The following CTNNA2 variants were observed in gnomAD, a reference collection of about 807,000 sequenced individuals.
CTNNA2 encodes catenin alpha 2.
CTNNA2 carries 42 observed loss-of-function variants against 101.0 expected under a neutral mutation model. That is an observed-to-expected ratio of 0.42 (90% CI 0.32 to 0.54). The LOEUF (loss-of-function observed/expected upper bound fraction) is 0.54. Ranked by LOEUF, CTNNA2 falls within the 20% of genes least tolerant of loss-of-function variation. CTNNA2 has a pLI of 0.14. For missense variants in CTNNA2, 871 were observed against 1,223.1 expected, an observed-to-expected ratio of 0.71 and a Z score of 4.29; for synonymous variants, 450 against 456.4, an observed-to-expected ratio of 0.99 and a Z score of 0.18.
chr2:79,378,262 G>A (rs1221095238), intron 4 of CTNNA2, among the ~76,000 whole-genome samples: 2 of 152,158 alleles, frequency 1.3e-5, no homozygotes, highest in Non-Finnish European at 1.5e-5. Flanking sequence ...ATGGGCAATG[G>A]TGTCTCTAGG....
chr2:79,706,208 C>G (rs368306390), intron 2 of CTNNA2, among the ~76,000 whole-genome samples: 2 of 151,728 alleles, frequency 1.3e-5, no homozygotes, highest in African/African-American at 4.8e-5. Flanking sequence ...ACTAAAAATA[C>G]AAAAAATATG....
intron 7 of CTNNA2, among the ~76,000 whole-genome samples, chr2:80,352,764 C>G (rs1487339316): frequency 6.6e-6 from 1 of 151,958 alleles, no homozygotes; most frequent in African/African-American, 2.4e-5. Flanking sequence ...TCTAATTAAG[C>G]TATTTATTTG....
intron 3 of CTNNA2, among the ~76,000 whole-genome samples, chr2:79,847,964 A>T (rs1340722323): frequency 1.3e-5 from 2 of 152,172 alleles, no homozygotes; most frequent in Admixed American, 6.5e-5. Flanking sequence ...ACTACCAAGT[A>T]CTGTAGCAGG....
chr2:79,551,825 A>G (rs1674119846), intron 1 of CTNNA2, among the ~76,000 whole-genome samples: 1 of 152,152 alleles, frequency 6.6e-6, no homozygotes, highest in African/African-American at 2.4e-5. Context: ...TTAAACAACC[A>G]GATCTTGTGA....
chr2:79,810,108 A>G (rs941528132), intron 3 of CTNNA2, among the ~76,000 whole-genome samples: 1 of 152,234 alleles, frequency 6.6e-6, no homozygotes, highest in African/African-American at 2.4e-5. Flanking sequence ...TAAATGCCCC[A>G]ATTAAAAGAC....
At chr2:79,408,062 A>C (rs2104487448) in intron 4 of CTNNA2, among the ~76,000 whole-genome samples, 1 of 152,038 alleles carries the variant, frequency 6.6e-6, no homozygotes, top group African/African-American at 2.4e-5. Context: ...CAGACTTGGA[A>C]CTATTCAGTT....
At chr2:80,012,994 T>C (rs928617131) in intron 7 of CTNNA2, among the ~76,000 whole-genome samples, 1 of 152,092 alleles carries the variant, frequency 6.6e-6, no homozygotes, top group African/African-American at 2.4e-5. Context: ...TGAGACTCTG[T>C]CTCTACAAAA....
In CTNNA2 at chr2:79,386,161, G is replaced by A. The variant is rs567330732; in HGVS notation, c.-135+12148G>A. On this transcript the variant is annotated intron_variant, in intron 4 of 21. Transcript: ENST00000466387. ...ACACTCCCACTAAGAGTGTAAAAGC[G>A]TTCAATAGGGTCTTTTTAACACATA... 9.9e-5 allele frequency among the ~76,000 whole-genome samples: 15 copies of A among 152,240 alleles called. 1 individual carries two copies. The South Asian group carries it at 2.1e-3, about 21-fold the overall frequency.
intron 3 of CTNNA2, among the ~76,000 whole-genome samples, chr2:79,356,490 G>A (rs928640517): frequency 3.3e-5 from 5 of 152,114 alleles, no homozygotes; most frequent in African/African-American, 1.2e-4. Context: ...TTAACATGAG[G>A]TAAGAGGCTG....
intron 2 of CTNNA2, among the ~76,000 whole-genome samples, chr2:79,718,889 T>TAAGG (rs1686290958): frequency 1.3e-5 from 2 of 151,756 alleles, no homozygotes; most frequent in African/African-American, 4.8e-5. Flanking sequence ...GACAGTTAAA[T>TAAGG]ACCTGTGATT....
chr2:79,477,168 C>CTTTTTTTTTTTTTTTTTTTTTTTTTT (rs5832392), intron 4 of CTNNA2, among the ~76,000 whole-genome samples: 1 of 123,148 alleles, frequency 8.1e-6, no homozygotes, highest in African/African-American at 3.3e-5. Context: ...TCTTTTTTTT[C>CTTTTTTTTTTTTTTTTTTTTTTTTTT]TTTTTTTTTT....
intron 12 of CTNNA2, among the ~76,000 whole-genome samples, chr2:80,571,942 A>C (rs1694638373): frequency 6.6e-6 from 1 of 152,196 alleles, no homozygotes; most frequent in Non-Finnish European, 1.5e-5. Context: ...CTATGGTTAT[A>C]GAGACACAAA....
chr2:79,587,135 C>T lies in CTNNA2; in HGVS notation c.-5-64417C>T, dbSNP rs111951684. On this transcript the variant is annotated intron_variant, in intron 1 of 18. Transcript: ENST00000402739. The stretch of plus-strand genomic sequence containing the variant: ...AATTGTGCTGCTATAAACGTGTGTG[C>T]GCGTGTGTCTTTTTTATGTAATGAC... 4.0e-3 allele frequency among the ~76,000 whole-genome samples: 606 copies of T among 152,168 alleles called. 7 individuals carry two copies. The highest frequency in any genetic ancestry group is 0.014 in the African/African-American group (582 of 41,506).
chr2:80,189,911 T>G (rs937427310), intron 7 of CTNNA2, among the ~76,000 whole-genome samples: 3 of 152,042 alleles, frequency 2.0e-5, no homozygotes, highest in Non-Finnish European at 4.4e-5. Context: ...TGTTTAATCC[T>G]CAGTTAATCA....
At chr2:79,884,985 T>G (rs1683741563) in intron 6 of CTNNA2, among the ~76,000 whole-genome samples, 1 of 152,126 alleles carries the variant, frequency 6.6e-6, no homozygotes, top group Non-Finnish European at 1.5e-5. Flanking sequence ...TGCCCAAAGC[T>G]TATCCCAGTT....
At chr2:79,279,996 A>G (rs1675319753) in intron 2 of CTNNA2, among the ~76,000 whole-genome samples, 1 of 152,118 alleles carries the variant, frequency 6.6e-6, no homozygotes, top group South Asian at 2.1e-4. Context: ...CCTTACTAAG[A>G]ATTTGGTGTT....
chr2:79,259,965 G>A (rs948982352), intron 2 of CTNNA2, among the ~76,000 whole-genome samples: 1 of 152,170 alleles, frequency 6.6e-6, no homozygotes, highest in African/African-American at 2.4e-5. Context: ...TCCAAAATGA[G>A]AAAGTAAAGA....
chr2:80,198,928 A>G (rs533657292), intron 7 of CTNNA2, among the ~76,000 whole-genome samples: 30 of 152,200 alleles, frequency 2.0e-4, no homozygotes, highest in African/African-American at 6.7e-4. Context: ...CATGCCTATA[A>G]TCCCAGCACA....
At chr2:79,287,534 C>T (rs924198936) in intron 2 of CTNNA2, among the ~76,000 whole-genome samples, 1 of 124,554 alleles carries the variant, frequency 8.0e-6, no homozygotes, top group African/African-American at 3.3e-5. Flanking sequence ...TCAGTCTGCC[C>T]CTGCTGGGGG....
Sources: gnomAD v4.1 joint callset for allele counts (sites outside exome capture counted in the v4.1 genomes callset) on GRCh38, gnomAD v4.1.1 for gene constraint, MANE v1.5 for transcripts, NCBI Gene and HGNC (gene_info 2026-07-23, HGNC 2026-07-21) for gene names.